Variants in SYAP1 observed in about 807,000 individuals in gnomAD.
SYAP1 encodes synapse-associated protein 1.
A neutral mutation model predicts 29.6 loss-of-function variants in SYAP1; 3 were observed. The ratio of observed to expected loss-of-function variants is 0.10; its 90% CI spans 0.05 to 0.26. The LOEUF is 0.26. SYAP1 is among the 10% of genes least tolerant of loss of function. SYAP1 has a pLI of 1.00. For synonymous variants in SYAP1, 102 were observed against 102.7 expected, an observed-to-expected ratio of 0.99 and a Z score of 0.04; for missense variants, 217 against 264.1, an observed-to-expected ratio of 0.82 and a Z score of 1.24.
intron 6 of SYAP1, among the ~76,000 whole-genome samples, chrX:16,755,322 C>T (rs751355960): frequency 9.1e-6 from 1 of 109,596 alleles, no homozygotes; most frequent in East Asian, 2.8e-4. Context: ...TCCTTGTTTT[C>T]GTTTTTGTTT....
intron 5 of SYAP1, among the ~76,000 whole-genome samples, chrX:16,747,868 A>T (rs1926641816): frequency 8.9e-6 from 1 of 111,778 alleles, no homozygotes; most frequent in Non-Finnish European, 1.9e-5. Context: ...GGATCACCTG[A>T]GGTCAGGAGT....
intron 4 of SYAP1, among the ~76,000 whole-genome samples, chrX:16,743,040 G>A (rs1475197577): frequency 9.6e-6 from 1 of 104,566 alleles, no homozygotes; most frequent in African/African-American, 3.5e-5. Flanking sequence ...AAATTGTTAT[G>A]TAGTAGGCCA....
At chrX:16,730,319 G>A (rs1046189142) in intron 1 of SYAP1, among the ~76,000 whole-genome samples, 3 of 112,685 alleles carry the variant, frequency 2.7e-5, no homozygotes, top group South Asian at 3.6e-4. Flanking sequence ...GCACCATTGC[G>A]CTCCAGCCTG....
intron 7 of SYAP1, 78 bp from the exon 8 acceptor site, chrX:16,757,084 T>C: frequency 9.0e-7 from 1 of 1,106,792 alleles, no homozygotes; most frequent in South Asian, 2.0e-5. Flanking sequence ...CGGCATTAAA[T>C]TGTGAGACAA....
chrX:16,762,238 G>A lies in SYAP1; in HGVS notation c.*1879G>A, dbSNP rs900369947. 11 of 111,699 alleles carry A rather than the reference G, an allele frequency of 9.8e-5. No homozygotes were observed. The highest frequency in any genetic ancestry group is 9.6e-4 in the Admixed American group (10 of 10,379). The allele number at this position is 111,699 out of a possible 1,213,427, so 9.2% of individuals were successfully genotyped here. A position where few individuals can be genotyped will look rare whatever the true frequency, so the allele number is the denominator to read the frequency against. On this transcript the variant is annotated 3_prime_UTR_variant, in exon 9 of 9. Coordinates refer to ENST00000380155, the MANE Select transcript of SYAP1 (RefSeq NM_032796.4). ...GATGGAAGCATATCAGGATGTGTCG[G>A]TGCTTGGCTCTTAGTGAATGCACTA... is the stretch of plus-strand genomic sequence containing the variant.
rs1299041177 is a variant in SYAP1 at position 16,719,737 on chromosome X, T to C, written c.13T>C (p.Leu5=). 1 of 1,206,626 alleles carries C rather than the reference T, an allele frequency of 8.3e-7. No homozygotes were observed. The highest frequency in any genetic ancestry group is 1.8e-5 in the South Asian group (1 of 56,286). Residue 5 remains leucine, a synonymous_variant, in exon 1 of 9, where the codon TTG becomes CTG. Transcript: ENST00000380155. ...GCCCGCGAGCGGGATGTTCCGGGGC[T>C]TGAGCAGTTGGTTGGGCTTGCAGCA... MFRG[L]SSWLGLQQPV...
At chrX:16,748,954 A>G (rs776412734) in intron 5 of SYAP1, among the ~76,000 whole-genome samples, 2 of 109,707 alleles carry the variant, frequency 1.8e-5, no homozygotes, top group Non-Finnish European at 3.8e-5. Context: ...ACAGGGTTTC[A>G]CCATGTTGGC....
chrX:16,748,291 T>G (rs953615415), intron 5 of SYAP1, among the ~76,000 whole-genome samples: 1 of 111,799 alleles, frequency 8.9e-6, no homozygotes. Flanking sequence ...TTGTTCTAGT[T>G]GCTTCACTTC....
intron 8 of SYAP1, 119 bp downstream of exon 8, chrX:16,757,428 A>T (rs1472497129): frequency 1.2e-6 from 1 of 853,515 alleles, no homozygotes; most frequent in East Asian, 3.4e-5. Flanking sequence ...TTTTGCATCA[A>T]AATTGATTCT....
chrX:16,731,940 C>CA (rs770541131), intron 1 of SYAP1, among the ~76,000 whole-genome samples: 65 of 96,380 alleles, frequency 6.7e-4, no homozygotes, highest in South Asian at 8.3e-4. Context: ...AACTCTGTCT[C>CA]AAAAAAAAAA....
chrX:16,737,965 A>G lies in SYAP1; in HGVS notation c.361+1733A>G, dbSNP rs549570501. Among the ~76,000 whole-genome samples the G allele has an allele frequency of 2.1e-4, 24 of 111,671 alleles. No individual in the cohort carries two copies. In the South Asian group the frequency reaches 7.5e-3, roughly 35 times the overall value. Reference sequence around the variant, plus strand: ...ATTATTATCAAGTCACATAAAAACCATGAGAGTAGATGAGCTCCTCTATGG... The same window carrying G: ...ATTATTATCAAGTCACATAAAAACCGTGAGAGTAGATGAGCTCCTCTATGG... On this transcript the variant is annotated intron_variant, in intron 3 of 8. Transcript: ENST00000380155.
At chrX:16,755,212 C>A in intron 6 of SYAP1, 119 bp downstream of exon 6, 1 of 740,854 alleles carries the variant, frequency 1.3e-6, no homozygotes, top group Non-Finnish European at 2.0e-6. Context: ...TCTTTTCTTC[C>A]CAGAGGAAAT....
At chrX:16,744,739 G>A (rs2065022872) in intron 5 of SYAP1, among the ~76,000 whole-genome samples, 1 of 111,256 alleles carries the variant, frequency 9.0e-6, no homozygotes, top group Non-Finnish European at 1.9e-5. Flanking sequence ...AGCTGAGGCG[G>A]GAGGATCATG....
intron 5 of SYAP1, among the ~76,000 whole-genome samples, chrX:16,752,968 A>T (rs377017931): frequency 1.8e-5 from 2 of 110,913 alleles, no homozygotes; most frequent in African/African-American, 6.6e-5. Context: ...GAGGCCAGGC[A>T]TGGTGGCTTA....
At chrX:16,748,387 C>T (rs1926654915) in intron 5 of SYAP1, among the ~76,000 whole-genome samples, 1 of 112,806 alleles carries the variant, frequency 8.9e-6, no homozygotes, top group East Asian at 2.8e-4. Context: ...GCCTGACACA[C>T]AGAAGCACAA....
Position 16,755,083 on chromosome X carries a change from GC to G in SYAP1, c.716del (p.Pro239ArgfsTer14). On this transcript the variant is annotated frameshift_variant, in exon 6 of 9. Coordinates refer to ENST00000380155, the MANE Select transcript of SYAP1 (RefSeq NM_032796.4). LOFTEE classifies it high-confidence loss of function. ...AGAGCAATGGCAGAGAGCAAGATTTGCCGCTGGCAGGTATATTCTGGGTAGA... is the reference window on the plus strand; with the variant it reads ...AGAGCAATGGCAGAGAGCAAGATTTGCGCTGGCAGGTATATTCTGGGTAGA... ...EKSNGREQDLPLAEAVRPKTP... is the reference protein window; with the variant it reads ...EKSNGREQDLXLAEAVRPKTP... The G allele has an allele frequency of 1.7e-6, 2 of 1,211,450 alleles. No homozygotes were observed. The highest frequency in any genetic ancestry group is 2.2e-6 in the Non-Finnish European group (2 of 895,379).
At chrX:16,720,831 G>T (rs915052805) in intron 1 of SYAP1, among the ~76,000 whole-genome samples, 23 of 110,639 alleles carry the variant, frequency 2.1e-4, no homozygotes, top group Non-Finnish European at 4.3e-4. Context: ...TGGCCAACAC[G>T]ATGTAACCCC....
chrX:16,746,918 A>G (rs1420605206), intron 5 of SYAP1, among the ~76,000 whole-genome samples: 1 of 110,349 alleles, frequency 9.1e-6, no homozygotes, highest in Non-Finnish European at 1.9e-5. Context: ...CATCTAATCT[A>G]TTTTTTTACT....
rs1266788307 is a variant in SYAP1 at position 16,764,627 on chromosome X, G to A, written c.*4268G>A. 9.0e-6 allele frequency: 1 copy of A among 111,043 alleles called. No individual in the cohort carries two copies. The highest frequency in any genetic ancestry group is 1.9e-5 in the Non-Finnish European group (1 of 53,068). The allele number at this position is 111,043 out of a possible 1,213,427, so 9.2% of individuals were successfully genotyped here. On this transcript the variant is annotated 3_prime_UTR_variant, in exon 9 of 9. Transcript: ENST00000380155. ...TCCGCCCACCTCGGCCTCTCAAAGT[G>A]CTGGGATTACAGGCATGAGCCACCA... is the stretch of plus-strand genomic sequence containing the variant.
Sources: gnomAD v4.1 joint callset for allele counts (sites outside exome capture counted in the v4.1 genomes callset) on GRCh38, gnomAD v4.1.1 for gene constraint, MANE v1.5 for transcripts, NCBI Gene and HGNC (gene_info 2026-07-23, HGNC 2026-07-21) for gene names.